Variants in NEB observed in about 807,000 individuals in gnomAD.
NEB encodes nebulin, also known as nemaline myopathy type 2.
In NEB, 512 loss-of-function variants were observed where a neutral mutation model predicts 952.2. The ratio of observed to expected loss-of-function variants is 0.54; its 90% confidence interval spans 0.50 to 0.58. The LOEUF is 0.58. NEB is among the 20% of genes least tolerant of loss of function. The pLI, the probability that NEB is intolerant of heterozygous loss-of-function variation, is 0.00. For synonymous variants in NEB, 2,900 were observed against 3,149.8 expected (o/e 0.92, Z 2.66); for missense variants, 8,428 against 9,231.1 (o/e 0.91, Z 3.56).
At chr2:151,506,401 C>T (rs924843315) in intron 163 of NEB, 143 bp from the exon 164 acceptor site, 2 of 645,998 alleles carry the variant, frequency 3.1e-6, no homozygotes, top group South Asian at 2.0e-5. Flanking sequence ...TCGCACCTGA[C>T]ATTTCCATGT....
chr2:151,499,297 C>T lies in NEB; in HGVS notation c.24114+1G>A, dbSNP rs755239192. On this transcript the variant is annotated splice_donor_variant, in intron 169 of 181. Transcript: ENST00000397345. LOFTEE classifies it high-confidence loss of function. ...TAAAGGGATTTTTTATTTTTAAATACCGAACTAAAGTTTTCTTGATTGTGT... is the reference window on the plus strand; with the variant it reads ...TAAAGGGATTTTTTATTTTTAAATATCGAACTAAAGTTTTCTTGATTGTGT... 54 of 1,448,428 alleles carry T rather than the reference C, an allele frequency of 3.7e-5. No homozygotes were observed. Among genetic ancestry groups the T allele is most frequent in the Admixed American group, 3.3e-4 (15 of 45,594 alleles). The allele number at this position is 1,448,428 out of a possible 1,614,324, so 89.7% of individuals were successfully genotyped here.
Position 151,563,702 on chromosome 2 carries a change from T to C in NEB, c.18597A>G (p.Thr6199=). Reference sequence around the variant, plus strand: ...GGTAGTGACCTTTCTGCTTCTCATATGTCTCTTTGTATTTAAGCTGTAAAG... The same window carrying C: ...GGTAGTGACCTTTCTGCTTCTCATACGTCTCTTTGTATTTAAGCTGTAAAG... ...LVNSELKYKE[T]YEKQKGHYLA... The change falls in exon 119 of 182, where the codon ACA becomes ACG. Residue 6199 remains threonine, a synonymous_variant. Transcript: ENST00000397345. The C allele has an allele frequency of 6.2e-7, 1 of 1,613,738 alleles. No individual in the cohort carries two copies. Among genetic ancestry groups the C allele is most frequent in the Non-Finnish European group, 8.5e-7 (1 of 1,179,642 alleles).
chr2:151,668,072 AT>A (rs2099242540), intron 39 of NEB, among the ~76,000 whole-genome samples, 161 bp from the exon 40 acceptor site: 1 of 152,222 alleles, frequency 6.6e-6, no homozygotes, highest in African/African-American at 2.4e-5. Context: ...TATATAATTG[AT>A]TTTATTTAAA....
chr2:151,565,827 G>A lies in NEB; in HGVS notation c.18157-7C>T, dbSNP rs958212867. ...GGTCAGCTCTGTAGACATTCTGAGA[G>A]CAGGAAGAGAGATATAATGGAGGAA... On this transcript the variant is annotated splice_polypyrimidine_tract_variant and splice_region_variant and intron_variant, in intron 114 of 181. Coordinates refer to ENST00000397345, the MANE Select transcript of NEB (RefSeq NM_001164508.2). The A allele has an allele frequency of 1.3e-6, 2 of 1,589,566 alleles. No individual in the cohort carries two copies. Among genetic ancestry groups the A allele is most frequent in the Admixed American group, 3.4e-5 (2 of 58,318 alleles).
Position 151,556,850 on chromosome 2 carries a change from G to A in NEB, c.19315-1806C>T, listed in dbSNP as rs1285591938. On this transcript the variant is annotated intron_variant, in intron 124 of 181. Transcript: ENST00000397345. ...ATCAGGACTTGAACTCAGAATCTCT[G>A]GGACACATTTAAAGCAGTGTGTAGA... is the stretch of plus-strand genomic sequence containing the variant. Among the ~76,000 whole-genome samples, 5 of 152,098 alleles carry A rather than the reference G, an allele frequency of 3.3e-5. No homozygotes were observed. The East Asian group carries it at 7.7e-4, about 23-fold the overall frequency.
At chr2:151,631,019 G>T (rs1459632179) in intron 66 of NEB, 124 bp downstream of exon 66, 4 of 1,343,114 alleles carry the variant, frequency 3.0e-6, no homozygotes, top group Non-Finnish European at 4.1e-6. Flanking sequence ...AGGATTTCAA[G>T]CATGTAATTT....
chr2:151,719,299 G>A (rs1409386541), intron 9 of NEB, among the ~76,000 whole-genome samples: 1 of 152,212 alleles, frequency 6.6e-6, no homozygotes, highest in Non-Finnish European at 1.5e-5. Flanking sequence ...ATGGGGGAAT[G>A]TCTCAAGAGG....
chr2:151,631,898 G>A (rs745581012), intron 65 of NEB, among the ~76,000 whole-genome samples: 11 of 152,108 alleles, frequency 7.2e-5, no homozygotes, highest in Non-Finnish European at 8.8e-5. Context: ...TATTCCCTGC[G>A]ATGTATTCTT....
At position 151,656,199 on chromosome 2, in the gene NEB, G is replaced by C. The variant is rs375256600; in HGVS notation, c.6449C>G (p.Ala2150Gly). The C allele has an allele frequency of 6.2e-7, 1 of 1,609,680 alleles. No individual in the cohort carries two copies. Among genetic ancestry groups the C allele is most frequent in the Non-Finnish European group, 8.5e-7 (1 of 1,177,226 alleles). Residue 2150 changes from alanine to glycine, a missense_variant, in exon 49 of 182, where the codon GCA (alanine) becomes GGA (glycine). This residue lies in a region of NEB where 2,851 missense variants were observed against 2,791.5 expected (regional missense o/e 1.02). Coordinates refer to ENST00000397345, the MANE Select transcript of NEB (RefSeq NM_001164508.2). ...LIHKYILLPD[A>G]MNIELTRNMN... The stretch of plus-strand genomic sequence containing the variant: ...ATTCCTGGTCAGCTCAATGTTCATT[G>C]CATCTGGAAGGAGGATGTACTTGTG...
chr2:151,611,913 A>G (rs1303998916), intron 78 of NEB, among the ~76,000 whole-genome samples: 2 of 152,198 alleles, frequency 1.3e-5, no homozygotes, highest in Admixed American at 6.5e-5. Context: ...GGGTAATGCA[A>G]TTGTGATGTC....
At chr2:151,494,638 T>TTTTTG (rs967541991) in intron 173 of NEB, among the ~76,000 whole-genome samples, 13 of 152,226 alleles carry the variant, frequency 8.5e-5, no homozygotes, top group Middle Eastern at 3.4e-3. Context: ...TGTTTGTTTT[T>TTTTTG]TTTTGTTTTG....
chr2:151,618,220 T>C (rs1573877875), intron 74 of NEB, 55 bp downstream of exon 74: 1 of 1,483,718 alleles, frequency 6.7e-7, no homozygotes, highest in Admixed American at 1.8e-5. Flanking sequence ...TATCAGAATT[T>C]TTAAATTGTT....
rs2099157182 is a variant in NEB at position 151,662,242 on chromosome 2, T to A, written c.5863A>T (p.Ile1955Phe). The A allele has an allele frequency of 6.2e-7, 1 of 1,613,578 alleles. No homozygotes were observed. Among genetic ancestry groups the A allele is most frequent in the South Asian group, 1.1e-5 (1 of 91,078 alleles). The change falls in exon 46 of 182, where the codon ATT becomes TTT. Residue 1955 changes from isoleucine to phenylalanine, a missense_variant. This residue lies in a region of NEB where 2,851 missense variants were observed against 2,791.5 expected (regional missense o/e 1.02). Coordinates refer to ENST00000397345, the MANE Select transcript of NEB (RefSeq NM_001164508.2). ...AEKNKKAMEI[I>F]SEKKYRQHPD... ...TGCTGGCGGTACTTCTTTTCACTAA[T>A]AATCTCCATGGCTTTCTTGTTTTTC...
chr2:151,698,743 T>G (rs1005548656), intron 13 of NEB, among the ~76,000 whole-genome samples: 8 of 151,370 alleles, frequency 5.3e-5, no homozygotes, highest in African/African-American at 1.9e-4. Context: ...GTTCATGCCA[T>G]TCTCCTGCCT....
intron 60 of NEB, among the ~76,000 whole-genome samples, chr2:151,641,852 TGTGCACAAC>T (rs1301942230): frequency 1.3e-5 from 2 of 152,336 alleles, no homozygotes; most frequent in East Asian, 3.9e-4. Context: ...CTAGGGTACA[TGTGCACAAC>T]GTGCAGGTTT....
chr2:151,662,002 G>T, intron 46 of NEB, 133 bp downstream of exon 46: 3 of 656,178 alleles, frequency 4.6e-6, no homozygotes, highest in South Asian at 3.4e-5. Context: ...TTAACGACAA[G>T]ACTCTTTTTC....
At chr2:151,551,602 G>A in intron 129 of NEB, 136 bp downstream of exon 129, 1 of 677,412 alleles carries the variant, frequency 1.5e-6, no homozygotes. Flanking sequence ...TATGCTCTGT[G>A]TTTTTGTTTT....
At chr2:151,640,985 A>G (rs963554950) in intron 60 of NEB, among the ~76,000 whole-genome samples, 17 of 152,142 alleles carry the variant, frequency 1.1e-4, no homozygotes, top group African/African-American at 4.1e-4. Flanking sequence ...TTATGCTGCA[A>G]TGACAATGAC....
At chr2:151,723,284 C>A in intron 9 of NEB, 98 bp downstream of exon 9, 1 of 706,558 alleles carries the variant, frequency 1.4e-6, no homozygotes, top group Non-Finnish European at 2.3e-6. Context: ...CATTTAGTCT[C>A]TTATACAGAA....
Sources: gnomAD v4.1 joint callset for allele counts (sites outside exome capture counted in the v4.1 genomes callset) on GRCh38, gnomAD v4.1.1 for gene constraint, gnomAD v4.1.1 regional missense constraint, MANE v1.5 for transcripts, NCBI Gene and HGNC (gene_info 2026-07-23, HGNC 2026-07-21) for gene names.